MOGAT3: variants seen among roughly 807,000 people sequenced by gnomAD.
MOGAT3 encodes the protein monoacylglycerol O-acyltransferase 3, also known as 2-acylglycerol O-acyltransferase 3.
Under a neutral mutation model 34.4 loss-of-function variants are expected in MOGAT3, and 39 were observed. The ratio of observed to expected loss-of-function variants is 1.13; its 90% CI spans 0.88 to 1.48. MOGAT3 has a LOEUF of 1.48. MOGAT3 is among the 40% of genes most tolerant of loss of function. The pLI is 0.00. For synonymous variants in MOGAT3, 209 were observed against 179.2 expected, an observed-to-expected ratio of 1.17 and a Z score of -1.33; for missense variants, 439 against 438.9, an observed-to-expected ratio of 1.00 and a Z score of 0.00.
At chr7:101,197,612 A>C (rs980545538) in intron 5 of MOGAT3, among the ~76,000 whole-genome samples, 2 of 152,126 alleles carry the variant, frequency 1.3e-5, no homozygotes, top group Admixed American at 6.5e-5. Flanking sequence ...GTAAAGAAAC[A>C]AGTCCGGCCG....
downstream of MOGAT3, among the ~76,000 whole-genome samples, chr7:101,193,898 T>C (rs531508044): frequency 6.6e-6 from 1 of 152,208 alleles, no homozygotes; most frequent in Non-Finnish European, 1.5e-5. Context: ...TCCAATTACA[T>C]TTCAATGAGT....
downstream of MOGAT3, among the ~76,000 whole-genome samples, chr7:101,194,606 C>G (rs1797738012): frequency 6.7e-6 from 1 of 149,588 alleles, no homozygotes; most frequent in East Asian, 2.0e-4. Flanking sequence ...GGGTTCACGC[C>G]ATTCTCCTGC....
At position 101,195,911 on chromosome 7, in the gene MOGAT3, G is replaced by C. The variant is rs1331047545; in HGVS notation, c.*35C>G. The stretch of plus-strand genomic sequence containing the variant: ...CAGTGGGTGGAGGTCTCAGTGCCTT[G>C]GGCTCAGGGGCTCAGCGAAAGGCCG... On this transcript the variant is annotated 3_prime_UTR_variant, in exon 7 of 7. Coordinates refer to ENST00000223114, the MANE Select transcript of MOGAT3 (RefSeq NM_178176.4). 3 of 1,612,034 alleles carry C rather than the reference G, an allele frequency of 1.9e-6. No individual in the cohort carries two copies. In the African/African-American group the frequency reaches 4.0e-5, roughly 22 times the overall value.
rs544032765 is a variant in MOGAT3, at chr7:101,196,168, C to T, written c.871+19G>A. 3.2e-6 allele frequency: 5 copies of T among 1,569,956 alleles called. No individual in the cohort carries two copies. The Admixed American group carries it at 7.7e-5, about 24-fold the overall frequency. On this transcript the variant is annotated intron_variant, in intron 6 of 6. Transcript: ENST00000223114. Reference sequence around the variant, plus strand: ...CCACGCAGCTGCTGGTGGCCGTCCCCCCGGAGGTGGGCACTCACCCACAGT... The same window carrying T: ...CCACGCAGCTGCTGGTGGCCGTCCCTCCGGAGGTGGGCACTCACCCACAGT...
chr7:101,193,099 A>T (rs12333576), downstream of MOGAT3, among the ~76,000 whole-genome samples: 143,457 of 151,948 alleles, frequency 0.94, 67,794 homozygotes, highest in African/African-American at 0.98. Context: ...ATAAATAAAT[A>T]AAATAAAATA....
In MOGAT3 at chr7:101,198,253, G is replaced by A. The variant is rs138693954; in HGVS notation, c.606C>T (p.Pro202=). 99 of 1,613,354 alleles carry A rather than the reference G, an allele frequency of 6.1e-5. No homozygotes were observed. Among genetic ancestry groups the A allele is most frequent in the Non-Finnish European group, 7.7e-5 (91 of 1,179,712 alleles). ...TCTGGAGCGTAAGGCAGTGCTCCCC[G>A]GGGACTGAATACAGGGCCTCGTGCG... is the stretch of plus-strand genomic sequence containing the variant. The part of the protein sequence containing the change: ...GGAHEALYSV[P]GEHCLTLQKR... Residue 202 remains proline, a synonymous_variant, in exon 5 of 7, where the codon CCC becomes CCT. Coordinates refer to ENST00000223114, the MANE Select transcript of MOGAT3 (RefSeq NM_178176.4).
downstream of MOGAT3, among the ~76,000 whole-genome samples, chr7:101,193,434 T>C (rs1797719081): frequency 6.6e-6 from 1 of 151,992 alleles, no homozygotes; most frequent in South Asian, 2.1e-4. Context: ...TTTATTTTTA[T>C]TTGTTTTTAT....
At chr7:101,197,103 A>C (rs557671935) in intron 5 of MOGAT3, among the ~76,000 whole-genome samples, 2 of 152,244 alleles carry the variant, frequency 1.3e-5, no homozygotes, top group East Asian at 3.9e-4. Flanking sequence ...CCGAGATCAC[A>C]CCACTGCACT....
rs1183599850 is a variant in MOGAT3 at position 101,195,869 on chromosome 7, T to C, written c.*77A>G. On this transcript the variant is annotated 3_prime_UTR_variant, in exon 7 of 7. Coordinates refer to ENST00000223114, the MANE Select transcript of MOGAT3 (RefSeq NM_178176.4). ...CGCTGGGCCCAGAACTACCTTTTAT[T>C]GGAGGCATGGAGTCCACAGTGGGTG... 6 of 1,496,228 alleles carry C rather than the reference T, an allele frequency of 4.0e-6. 1 individual carries two copies. Among genetic ancestry groups the C allele is most frequent in the Non-Finnish European group, 5.6e-6 (6 of 1,081,074 alleles). 92.7% of individuals were successfully genotyped at this position (1,496,228 alleles called of 1,614,324 possible). A position where few individuals can be genotyped will look rare whatever the true frequency, so the allele number is the denominator to read the frequency against.
At chr7:101,198,004 T>C (rs1004242) in intron 5 of MOGAT3, among the ~76,000 whole-genome samples, 187 bp downstream of exon 5, 152,359 of 152,360 alleles carry the variant, frequency 1, 76,179 homozygotes, top group Non-Finnish European at 1. Flanking sequence ...GGGAGGGAGC[T>C]TAGGGTAAGC....
In MOGAT3 at chr7:101,200,364, G is replaced by A. The variant is rs372944075; in HGVS notation, c.217+44C>T. On this transcript the variant is annotated intron_variant, in intron 2 of 6. Coordinates refer to ENST00000223114, the MANE Select transcript of MOGAT3 (RefSeq NM_178176.4). ...GGAGTCACCTCCCCTCACCCCCCAT[G>A]TCCCCACCATCTCTGGCTACCTGGG... 5.0e-6 allele frequency: 8 copies of A among 1,604,840 alleles called. 1 individual carries two copies. In the South Asian group the frequency reaches 5.5e-5, roughly 11 times the overall value.
chr7:101,196,287 C>A lies in MOGAT3; in HGVS notation c.771G>T (p.Lys257Asn). Reference sequence around the variant, plus strand: ...TGCAAGGAGAGAAGCCCATGAGCTTCTTGAAGGTGAGCTGGCACCAATGCT... The same window carrying A: ...TGCAAGGAGAGAAGCCCATGAGCTTATTGAAGGTGAGCTGGCACCAATGCT... ...SWQHWCQLTF[K>N]KLMGFSPCIF... Residue 257 changes from lysine (K) to asparagine (N), a missense_variant, in exon 6 of 7, where the codon AAG (lysine) becomes AAT (asparagine). Transcript: ENST00000223114. 1 of 1,613,596 alleles carries A rather than the reference C, an allele frequency of 6.2e-7. No homozygotes were observed. Among genetic ancestry groups the A allele is most frequent in the South Asian group, 1.1e-5 (1 of 90,938 alleles).
At position 101,200,467 on chromosome 7, in the gene MOGAT3, C is replaced by T. The variant is rs1448222977; in HGVS notation, c.158G>A (p.Trp53Ter). 1.2e-6 allele frequency: 2 copies of T among 1,608,360 alleles called. No individual in the cohort carries two copies. The highest frequency in any genetic ancestry group is 1.3e-5 in the African/African-American group (1 of 74,858). Reference protein sequence around the residue: ...LVFVLLFTSLWPFSVFYLVWL... With the variant: ...LVFVLLFTSL ...CACCAAGTAAAAAACAGAGAAGGGC[C>T]AGAGTGACGTGAAGAGGAGGACAAA... Residue 53 changes from tryptophan (W) to a stop codon, truncating the protein, a stop_gained, in exon 2 of 7, where the codon TGG becomes TAG. Transcript: ENST00000223114. LOFTEE classifies it high-confidence loss of function.
downstream of MOGAT3, among the ~76,000 whole-genome samples, chr7:101,193,903 A>T (rs1184062958): frequency 1.3e-5 from 2 of 152,236 alleles, no homozygotes; most frequent in East Asian, 3.8e-4. Flanking sequence ...TTACATTTCA[A>T]TGAGTTATTC....
chr7:101,194,322 G>C (rs1392647155), downstream of MOGAT3, among the ~76,000 whole-genome samples: 1 of 151,846 alleles, frequency 6.6e-6, no homozygotes, highest in Non-Finnish European at 1.5e-5. Flanking sequence ...TGAGTAGCTG[G>C]GTCTACAGGA....
chr7:101,200,327 G>A, intron 2 of MOGAT3, 23 bp from the exon 3 acceptor site: 1 of 1,613,622 alleles, frequency 6.2e-7, no homozygotes, highest in African/African-American at 1.3e-5. Flanking sequence ...AGATACTGGT[G>A]GACGAACCCC....
rs1797746746 is a variant in MOGAT3 at position 101,195,201 on chromosome 7, G to A, written c.*745C>T. The A allele has an allele frequency of 6.6e-6, 1 of 152,176 alleles. No individual in the cohort carries two copies. The highest frequency in any genetic ancestry group is 1.5e-5 in the Non-Finnish European group (1 of 68,314). 9.4% of individuals were successfully genotyped at this position (152,176 alleles called of 1,614,324 possible). A position where few individuals can be genotyped will look rare whatever the true frequency, so the allele number is the denominator to read the frequency against. ...GCCTGGCCATGTTCACTTCCAGAAC[G>A]ATTATAGCTTTAACAACATTTTTTT... On this transcript the variant is annotated 3_prime_UTR_variant, in exon 7 of 7. Coordinates refer to ENST00000223114, the MANE Select transcript of MOGAT3 (RefSeq NM_178176.4).
At chr7:101,197,799 C>A (rs1233696574) in intron 5 of MOGAT3, among the ~76,000 whole-genome samples, 2 of 151,990 alleles carry the variant, frequency 1.3e-5, no homozygotes, top group Non-Finnish European at 2.9e-5. Context: ...ACTCGGGAGG[C>A]GGAGGTTGCA....
At position 101,196,260 on chromosome 7, in the gene MOGAT3, G is replaced by A; in HGVS notation, c.798C>T (p.Ile266=). The change falls in exon 6 of 7, where the codon ATC becomes ATT. Residue 266 remains isoleucine (I), a synonymous_variant. Coordinates refer to ENST00000223114, the MANE Select transcript of MOGAT3 (RefSeq NM_178176.4). The stretch of plus-strand genomic sequence containing the variant: ...CTGAGAAGAGACCGCGACCCCAGAA[G>A]ATGCAAGGAGAGAAGCCCATGAGCT... ...FKKLMGFSPC[I]FWGRGLFSAT... The A allele has an allele frequency of 6.2e-7, 1 of 1,610,002 alleles. No individual in the cohort carries two copies. The highest frequency in any genetic ancestry group is 8.5e-7 in the Non-Finnish European group (1 of 1,178,172).
Sources: gnomAD v4.1 joint callset for allele counts (sites outside exome capture counted in the v4.1 genomes callset) on GRCh38, gnomAD v4.1.1 for gene constraint, MANE v1.5 for transcripts, NCBI Gene and HGNC (gene_info 2026-07-23, HGNC 2026-07-21) for gene names.